IGFN1: variants seen among roughly 807,000 people sequenced by gnomAD.
IGFN1 encodes the protein immunoglobulin like and fibronectin type III domain containing 1.
In IGFN1, 253 loss-of-function variants were observed where a neutral mutation model predicts 289.5. The observed-to-expected ratio is 0.87, with a 90% CI of 0.79 to 0.97. The LOEUF is 0.97. Ranked by LOEUF, IGFN1 falls within the 50% of genes least tolerant of loss-of-function variation. IGFN1 has a pLI of 0.00. For synonymous variants in IGFN1, 1,706 were observed against 1,788.5 expected (o/e 0.95, Z 1.16); for missense variants, 4,470 against 4,686.1 (o/e 0.95, Z 1.35).
rs1002124884 is a variant in IGFN1, at chr1:201,228,792, G to T, written c.*393G>T. On this transcript the variant is annotated 3_prime_UTR_variant, in exon 24 of 24. Coordinates refer to ENST00000335211, the MANE Select transcript of IGFN1 (RefSeq NM_001164586.2). Reference sequence around the variant, plus strand: ...GCTGGGCCTGCTGTGACCACTGGGAGGGAAGAGGAGAGGAGGTCAGAGGAC... The same window carrying T: ...GCTGGGCCTGCTGTGACCACTGGGATGGAAGAGGAGAGGAGGTCAGAGGAC... 12 of 228,724 alleles carry T rather than the reference G, an allele frequency of 5.2e-5. No individual in the cohort carries two copies. The highest frequency in any genetic ancestry group is 4.7e-4 in the Admixed American group (9 of 19,300). 14.2% of individuals were successfully genotyped at this position (228,724 alleles called of 1,614,324 possible). A position where few individuals can be genotyped will look rare whatever the true frequency, so the allele number is the denominator to read the frequency against.
At position 201,199,707 on chromosome 1, in the gene IGFN1, C is replaced by A. The variant is rs921920300; in HGVS notation, c.458+53C>A. On this transcript the variant is annotated intron_variant, in intron 7 of 23. Transcript: ENST00000335211. ...TTTGGAGGCTCCCATAGTATTCACC[C>A]CCTGCTATTTCCATAAGTAAGCTGG... The A allele has an allele frequency of 9.5e-6, 14 of 1,472,114 alleles. No homozygotes were observed. In the African/African-American group the frequency reaches 1.1e-4, roughly 12 times the overall value. The allele number at this position is 1,472,114 out of a possible 1,614,324, so 91.2% of individuals were successfully genotyped here. A position where few individuals can be genotyped will look rare whatever the true frequency, so the allele number is the denominator to read the frequency against.
intron 19 of IGFN1, 71 bp downstream of exon 19, chr1:201,221,817 G>A (rs1041952412): frequency 1.1e-4 from 144 of 1,323,966 alleles, no homozygotes; most frequent in Middle Eastern, 2.2e-4. Context: ...CTGAGTAGCC[G>A]CAATGCACTT....
chr1:201,227,603 T>C lies in IGFN1; in HGVS notation c.11113+395T>C, dbSNP rs114878014. On this transcript the variant is annotated intron_variant, in intron 23 of 23. Transcript: ENST00000335211. ...CCACCACACCTGGCGGATTTTTTTGTATTTTTAATAGAAGGGGGGTTTCAT... is the reference window on the plus strand; with the variant it reads ...CCACCACACCTGGCGGATTTTTTTGCATTTTTAATAGAAGGGGGGTTTCAT... Among the ~76,000 whole-genome samples the C allele has an allele frequency of 8.0e-4, 121 of 152,088 alleles. 1 individual carries two copies. Among genetic ancestry groups the C allele is most frequent in the African/African-American group, 2.9e-3 (119 of 41,478 alleles).
Position 201,217,472 on chromosome 1 carries a change from C to T in IGFN1, c.9769+12C>T, listed in dbSNP as rs1320500819. ...CCAGCCGGTGCCTGGTGAGCATTGT[C>T]CTGGCTTCCAGAGCTTCCTTAGACC... On this transcript the variant is annotated intron_variant, in intron 17 of 23. Coordinates refer to ENST00000335211, the MANE Select transcript of IGFN1 (RefSeq NM_001164586.2). 2 of 1,613,536 alleles carry T rather than the reference C, an allele frequency of 1.2e-6. No individual in the cohort carries two copies.
intron 22 of IGFN1, 60 bp from the exon 23 acceptor site, chr1:201,226,822 G>A: frequency 7.6e-7 from 1 of 1,320,936 alleles, no homozygotes; most frequent in Non-Finnish European, 1.1e-6. Flanking sequence ...CCAGACCCGG[G>A]TCTCAGCCAG....
Position 201,214,302 on chromosome 1 carries a change from G to C in IGFN1, c.8853+1G>C. On this transcript the variant is annotated splice_donor_variant, in intron 13 of 23. Coordinates refer to ENST00000335211, the MANE Select transcript of IGFN1 (RefSeq NM_001164586.2). LOFTEE classifies it high-confidence loss of function. Reference sequence around the variant, plus strand: ...CACCTGGTTTAAGGATGGCGTCAAGGTACTGCCTCCCCTCACACCTTCTCT... The same window carrying C: ...CACCTGGTTTAAGGATGGCGTCAAGCTACTGCCTCCCCTCACACCTTCTCT... 1.9e-6 allele frequency: 3 copies of C among 1,605,824 alleles called. No individual in the cohort carries two copies. The highest frequency in any genetic ancestry group is 1.3e-5 in the African/African-American group (1 of 74,930).
In IGFN1 at chr1:201,221,441, C is replaced by G. The variant is rs760501137; in HGVS notation, c.9899-3C>G. On this transcript the variant is annotated splice_polypyrimidine_tract_variant and splice_region_variant and intron_variant, in intron 18 of 23. Coordinates refer to ENST00000335211, the MANE Select transcript of IGFN1 (RefSeq NM_001164586.2). The stretch of plus-strand genomic sequence containing the variant: ...TTCCTGACTCTCCCATGGTGCCTGG[C>G]AGGACCCCCTGGGCTGGTGAGGAAT... 24 of 1,561,980 alleles carry G rather than the reference C, an allele frequency of 1.5e-5. No individual in the cohort carries two copies. The highest frequency in any genetic ancestry group is 2.1e-5 in the Non-Finnish European group (24 of 1,150,968).
Position 201,208,794 on chromosome 1 carries a change from G to C in IGFN1, c.3901G>C (p.Gly1301Arg), listed in dbSNP as rs1667561714. Residue 1301 changes from glycine to arginine, a missense_variant, in exon 12 of 24, where the codon GGG becomes CGG. Around this residue, in one of 8 missense-constraint regions of IGFN1, gnomAD observed 2,011 missense variants for 1,953.4 expected, o/e 1.03. Coordinates refer to ENST00000335211, the MANE Select transcript of IGFN1 (RefSeq NM_001164586.2). ...DLGAPENMGS[G>R]SKADYRDGVG... ...GGGGGCTCCTGAGAATATGGGTTCGGGGAGCAAGGCAGATTATAGGGATGG... is the reference window on the plus strand; with the variant it reads ...GGGGGCTCCTGAGAATATGGGTTCGCGGAGCAAGGCAGATTATAGGGATGG... 9 of 1,536,618 alleles carry C rather than the reference G, an allele frequency of 5.9e-6. No individual in the cohort carries two copies. Among genetic ancestry groups the C allele is most frequent in the Non-Finnish European group, 7.8e-6 (9 of 1,146,694 alleles).
In IGFN1 at chr1:201,207,264, C is replaced by T. The variant is rs1386476999; in HGVS notation, c.2371C>T (p.Leu791Phe). Residue 791 changes from leucine to phenylalanine, a missense_variant, in exon 12 of 24, where the codon CTC becomes TTC. This residue lies in a region of IGFN1 where 2,011 missense variants were observed against 1,953.4 expected (regional missense o/e 1.03). Transcript: ENST00000335211. Reference sequence around the variant, plus strand: ...AGGCTGCGAAGGTGTCCTACAGGAGCTCAGGGGAAGGGATGGCCAGGAAAC... The same window carrying T: ...AGGCTGCGAAGGTGTCCTACAGGAGTTCAGGGGAAGGGATGGCCAGGAAAC... The part of the protein sequence containing the change: ...PRGCEGVLQE[L>F]RGRDGQETAW... The T allele has an allele frequency of 6.5e-7, 1 of 1,536,774 alleles. No homozygotes were observed. Among genetic ancestry groups the T allele is most frequent in the East Asian group, 2.4e-5 (1 of 40,918 alleles).
At chr1:201,219,405 A>G (rs1456453442) in intron 18 of IGFN1, among the ~76,000 whole-genome samples, 1 of 152,266 alleles carries the variant, frequency 6.6e-6, no homozygotes, top group East Asian at 1.9e-4. Context: ...ATGCCAACAG[A>G]CATTCTGAGA....
Position 201,213,413 on chromosome 1 carries a change from C to T in IGFN1, c.8520C>T (p.Ser2840=). The T allele has an allele frequency of 6.2e-7, 1 of 1,613,998 alleles. No homozygotes were observed. The highest frequency in any genetic ancestry group is 2.2e-5 in the East Asian group (1 of 44,886). ...GAAGGGGAGCAGACGAGGCTGGAAG[C>T]ATGGGGTGGCAGCCTATGGGAGAGA... ...GKRRGADEAG[S]MGWQPMGENW... Residue 2840 remains serine (S), a synonymous_variant, in exon 12 of 24, where the codon AGC becomes AGT. Coordinates refer to ENST00000335211, the MANE Select transcript of IGFN1 (RefSeq NM_001164586.2).
intron 6 of IGFN1, 75 bp from the exon 7 acceptor site, chr1:201,199,534 C>A: frequency 6.8e-7 from 1 of 1,468,318 alleles, no homozygotes; most frequent in Non-Finnish European, 9.3e-7. Context: ...TCAGCATGGA[C>A]AACACAGAAA....
At position 201,208,588 on chromosome 1, in the gene IGFN1, ATG is replaced by A. The variant is rs1229848078; in HGVS notation, c.3696_3697del (p.Tyr1232Ter). The A allele has an allele frequency of 1.3e-6, 2 of 1,490,882 alleles. No individual in the cohort carries two copies. The highest frequency in any genetic ancestry group is 2.8e-5 in the African/African-American group (2 of 70,986). 92.4% of individuals were successfully genotyped at this position (1,490,882 alleles called of 1,614,324 possible). A position where few individuals can be genotyped will look rare whatever the true frequency, so the allele number is the denominator to read the frequency against. On this transcript the variant is annotated stop_gained and frameshift_variant, in exon 12 of 24. Transcript: ENST00000335211. LOFTEE classifies it high-confidence loss of function. ...CAGGGAACTGGGGTCAGAACAGCCTATGGAGAAAGGTCAAGGGGCCTTGGGCC... is the reference window on the plus strand; with the variant it reads ...CAGGGAACTGGGGTCAGAACAGCCTAGAGAAAGGTCAAGGGGCCTTGGGCC...
At position 201,206,746 on chromosome 1, in the gene IGFN1, T is replaced by C. The variant is rs1173550638; in HGVS notation, c.1853T>C (p.Val618Ala). ...CTGCAGGGATGCCAGTCTGATCCTG[T>C]AGGGTCCTGGCCAAGAGGAAAGCAG... ...SDLQGCQSDP[V>A]GSWPRGKQIE... is the part of the protein sequence containing the mutation. Residue 618 changes from valine to alanine, a missense_variant, in exon 12 of 24, where the codon GTA becomes GCA. Around this residue, in one of 8 missense-constraint regions of IGFN1, gnomAD observed 2,011 missense variants for 1,953.4 expected, o/e 1.03. Transcript: ENST00000335211. 6 of 1,536,608 alleles carry C rather than the reference T, an allele frequency of 3.9e-6. No individual in the cohort carries two copies. The South Asian group carries it at 7.1e-5, about 18-fold the overall frequency.
chr1:201,214,989 C>T, intron 13 of IGFN1, 24 bp from the exon 14 acceptor site: 1 of 1,609,484 alleles, frequency 6.2e-7, no homozygotes, highest in Middle Eastern at 1.7e-4. Flanking sequence ...GGGTGACCTT[C>T]TCCTGCTGTG....
intron 19 of IGFN1, 36 bp downstream of exon 19, chr1:201,221,782 G>A (rs1175857565): frequency 6.5e-7 from 1 of 1,528,792 alleles, no homozygotes; most frequent in Admixed American, 2.0e-5. Context: ...CCTGAGCCCT[G>A]CAGGCCTCTC....
chr1:201,194,048 G>C, intron 2 of IGFN1, 106 bp from the exon 3 acceptor site: 1 of 1,303,874 alleles, frequency 7.7e-7, no homozygotes, highest in Non-Finnish European at 1.1e-6. Flanking sequence ...GAGCGAGAAG[G>C]GGCTTCTTGC....
Position 201,207,911 on chromosome 1 carries a change from G to C in IGFN1, c.3018G>C (p.Gly1006=), listed in dbSNP as rs1301079505. The change falls in exon 12 of 24, where the codon GGG becomes GGC. Residue 1006 remains glycine, a synonymous_variant. Coordinates refer to ENST00000335211, the MANE Select transcript of IGFN1 (RefSeq NM_001164586.2). ...CTGCGGGAGTGGAGTCTGAGGAAGG[G>C]GGTGGGTACAGGCATGGCTCCGGAG... ...RAPAGVESEE[G]GGYRHGSGAP... The C allele has an allele frequency of 6.5e-7, 1 of 1,536,754 alleles. No individual in the cohort carries two copies. Among genetic ancestry groups the C allele is most frequent in the Admixed American group, 2.0e-5 (1 of 50,966 alleles).
At position 201,207,756 on chromosome 1, in the gene IGFN1, T is replaced by C; in HGVS notation, c.2863T>C (p.Tyr955His). ...AGGTCCCGGGAGAATGGAATCTAGGTACGAGGGTGGCTTAGGATATTCTAG... is the reference window on the plus strand; with the variant it reads ...AGGTCCCGGGAGAATGGAATCTAGGCACGAGGGTGGCTTAGGATATTCTAG... Reference protein sequence around the residue: ...LEGPGRMESRYEGGLGYSREI... With the variant: ...LEGPGRMESRHEGGLGYSREI... Residue 955 changes from tyrosine (Y) to histidine (H), a missense_variant, in exon 12 of 24, where the codon TAC becomes CAC. This residue lies in a region of IGFN1 where 2,011 missense variants were observed against 1,953.4 expected (regional missense o/e 1.03). Coordinates refer to ENST00000335211, the MANE Select transcript of IGFN1 (RefSeq NM_001164586.2). 1 of 1,536,750 alleles carries C rather than the reference T, an allele frequency of 6.5e-7. No individual in the cohort carries two copies. The highest frequency in any genetic ancestry group is 8.7e-7 in the Non-Finnish European group (1 of 1,146,752).
Sources: gnomAD v4.1 joint callset for allele counts (sites outside exome capture counted in the v4.1 genomes callset) on GRCh38, gnomAD v4.1.1 for gene constraint, gnomAD v4.1.1 regional missense constraint, MANE v1.5 for transcripts, NCBI Gene and HGNC (gene_info 2026-07-23, HGNC 2026-07-21) for gene names.